The following CNTN4 variants were observed in gnomAD, a reference collection of about 807,000 sequenced individuals.
The protein encoded by CNTN4 is contactin-4.
A neutral mutation model predicts 122.5 loss-of-function variants in CNTN4; 77 were observed. The ratio of observed to expected loss-of-function variants is 0.63; its 90% CI spans 0.52 to 0.76. CNTN4 has a LOEUF of 0.76. Ranked by LOEUF, CNTN4 falls within the 30% of genes least tolerant of loss-of-function variation. CNTN4 has a pLI of 0.00. For missense variants in CNTN4, 1,256 were observed against 1,259.1 expected, an observed-to-expected ratio of 1.00 and a Z score of 0.04; for synonymous variants, 512 against 447.0, an observed-to-expected ratio of 1.15 and a Z score of -1.83.
At chr3:2,688,916 A>C (rs2085578317) in intron 4 of CNTN4, among the ~76,000 whole-genome samples, 1 of 152,214 alleles carries the variant, frequency 6.6e-6, no homozygotes, top group Non-Finnish European at 1.5e-5. Flanking sequence ...ATTAAGCTAC[A>C]GAACAGGTCC....
intron 2 of CNTN4, among the ~76,000 whole-genome samples, chr3:2,138,851 TTC>T (rs147643217): frequency 1.0e-3 from 155 of 149,024 alleles, no homozygotes; most frequent in Admixed American, 1.4e-3. Context: ...ATAAATTTTC[TTC>T]TCTCTCTCTC....
At chr3:2,449,118 A>G (rs557789175) in intron 3 of CNTN4, among the ~76,000 whole-genome samples, 1 of 152,326 alleles carries the variant, frequency 6.6e-6, no homozygotes, top group East Asian at 1.9e-4. Context: ...GAATCTTTAT[A>G]CATTTTCCCA....
intron 3 of CNTN4, among the ~76,000 whole-genome samples, chr3:2,420,623 A>G (rs1018691649): frequency 6.6e-6 from 1 of 151,894 alleles, no homozygotes; most frequent in African/African-American, 2.4e-5. Flanking sequence ...TTTAGTAGAG[A>G]CACGGATTCA....
chr3:3,047,796 A>G (rs1356533134), intron 23 of CNTN4, among the ~76,000 whole-genome samples: 2 of 151,542 alleles, frequency 1.3e-5, no homozygotes, highest in Non-Finnish European at 2.9e-5. Context: ...ACTGAAGGAG[A>G]TAGAGACACA....
At chr3:2,184,983 G>T (rs530722940) in intron 2 of CNTN4, among the ~76,000 whole-genome samples, 61 of 152,280 alleles carry the variant, frequency 4.0e-4, no homozygotes, top group Admixed American at 2.6e-3. Context: ...AGAAGGGAGA[G>T]TGGTCTACAA....
At chr3:2,564,751 T>C (rs1035411724) in intron 3 of CNTN4, among the ~76,000 whole-genome samples, 1 of 151,934 alleles carries the variant, frequency 6.6e-6, no homozygotes, top group South Asian at 2.1e-4. Flanking sequence ...TAGCAAAATA[T>C]AAAGGTCCAA....
intron 4 of CNTN4, among the ~76,000 whole-genome samples, chr3:2,717,784 A>G (rs1227597989): frequency 3.5e-4 from 1 of 2,842 alleles, no homozygotes; most frequent in Non-Finnish European, 5.8e-4. Context: ...ACTTCATGTA[A>G]TCACTCCAAT....
At chr3:2,796,721 A>G (rs1453832700) in intron 6 of CNTN4, among the ~76,000 whole-genome samples, 1 of 152,224 alleles carries the variant, frequency 6.6e-6, no homozygotes, top group Non-Finnish European at 1.5e-5. Context: ...GTCCTTACAT[A>G]AGATCCGGTG....
At chr3:2,430,749 A>G (rs1175735032) in intron 3 of CNTN4, among the ~76,000 whole-genome samples, 2 of 152,156 alleles carry the variant, frequency 1.3e-5, no homozygotes, top group Non-Finnish European at 2.9e-5. Context: ...AAGGCTAAGT[A>G]TACCTATATT....
intron 3 of CNTN4, among the ~76,000 whole-genome samples, chr3:2,540,544 G>A (rs1416498690): frequency 1.3e-5 from 2 of 151,946 alleles, no homozygotes. Context: ...CTACTGCTAT[G>A]GACATTTTAT....
At chr3:2,823,775 A>C (rs186797459) in intron 7 of CNTN4, among the ~76,000 whole-genome samples, 2 of 152,248 alleles carry the variant, frequency 1.3e-5, no homozygotes, top group Non-Finnish European at 1.5e-5. Flanking sequence ...TCCTCAATAA[A>C]ATCCTCACAA....
At chr3:2,882,281 G>A (rs553255422) in intron 8 of CNTN4, among the ~76,000 whole-genome samples, 7 of 151,958 alleles carry the variant, frequency 4.6e-5, no homozygotes, top group African/African-American at 9.6e-5. Flanking sequence ...CAGGAGAATC[G>A]CTTGAACCCG....
At chr3:2,275,291 A>G (rs2041460039) in intron 2 of CNTN4, among the ~76,000 whole-genome samples, 2 of 152,214 alleles carry the variant, frequency 1.3e-5, no homozygotes, top group African/African-American at 4.8e-5. Flanking sequence ...ATTGTGTTTT[A>G]TAAATTATAT....
chr3:2,598,688 G>T (rs1297704927), intron 4 of CNTN4, among the ~76,000 whole-genome samples: 1 of 152,120 alleles, frequency 6.6e-6, no homozygotes, highest in Non-Finnish European at 1.5e-5. Context: ...GAATTAGAAA[G>T]TAAAAGCAAC....
intron 16 of CNTN4, among the ~76,000 whole-genome samples, chr3:3,033,158 G>A (rs577808979): frequency 6.6e-6 from 1 of 152,200 alleles, no homozygotes; most frequent in African/African-American, 2.4e-5. Flanking sequence ...AAATGGTGGG[G>A]AATGCTAGGA....
At chr3:2,644,548 T>A (rs190727109) in intron 4 of CNTN4, among the ~76,000 whole-genome samples, 7 of 151,878 alleles carry the variant, frequency 4.6e-5, no homozygotes, top group African/African-American at 1.2e-4. Context: ...TCAATTCAGA[T>A]GTATACTTTA....
chr3:2,619,280 C>T (rs2081902330), intron 4 of CNTN4, among the ~76,000 whole-genome samples: 2 of 152,322 alleles, frequency 1.3e-5, no homozygotes, highest in South Asian at 4.1e-4. Flanking sequence ...AAATGAAATT[C>T]CGTTCCTGGG....
intron 2 of CNTN4, among the ~76,000 whole-genome samples, chr3:2,332,547 T>C (rs1194300073): frequency 6.6e-6 from 1 of 151,990 alleles, no homozygotes; most frequent in Non-Finnish European, 1.5e-5. Flanking sequence ...TGAGTAGTAT[T>C]AGGTGAGAAG....
intron 2 of CNTN4, among the ~76,000 whole-genome samples, chr3:2,120,483 G>A (rs1454827392): frequency 1.4e-5 from 2 of 146,406 alleles, no homozygotes; most frequent in Admixed American, 1.4e-4. Flanking sequence ...CACGGACTGC[G>A]AGCTCGCTTC....
Sources: allele counts gnomAD v4.1 joint callset (sites outside exome capture counted in the v4.1 genomes callset), GRCh38; gene constraint gnomAD v4.1.1; transcripts MANE v1.5; gene names NCBI Gene and HGNC (gene_info 2026-07-23, HGNC 2026-07-21).